The following SLC9A9 variants were observed in gnomAD, a reference collection of about 807,000 sequenced individuals.
SLC9A9 encodes solute carrier family 9 member A9, also known as sodium/hydrogen exchanger 9.
In SLC9A9, 62 loss-of-function variants were observed where a neutral mutation model predicts 77.8. That is an observed-to-expected ratio of 0.80 (90% CI 0.65 to 0.98). The LOEUF (loss-of-function observed/expected upper bound fraction) is 0.98. Among genes scored for constraint, SLC9A9 ranks in the 50% least tolerant of loss-of-function variants. The probability of loss-of-function intolerance (pLI) is 0.00; values close to 1 mark genes in which losing one functional copy is unlikely to be tolerated. For synonymous variants in SLC9A9, 320 were observed against 283.5 expected (o/e 1.13, Z -1.29); for missense variants, 775 against 774.9 (o/e 1.00, Z 0.00).
At chr3:143,500,879 T>C (rs1305622121) in intron 9 of SLC9A9, among the ~76,000 whole-genome samples, 1 of 150,378 alleles carries the variant, frequency 6.6e-6, no homozygotes, top group Non-Finnish European at 1.5e-5. Context: ...TAAAAATGTA[T>C]ACAATTTAGA....
At chr3:143,774,172 T>A (rs1369925558) in intron 4 of SLC9A9, among the ~76,000 whole-genome samples, 1 of 152,190 alleles carries the variant, frequency 6.6e-6, no homozygotes, top group African/African-American at 2.4e-5. Flanking sequence ...AGCATCCATA[T>A]AATTGAACAG....
chr3:143,578,686 C>T lies in SLC9A9; in HGVS notation c.793G>A (p.Ala265Thr), dbSNP rs372219827. Reference protein sequence around the residue: ...SIYSPKENPNAFDAAAFFQSV... With the variant: ...SIYSPKENPNTFDAAAFFQSV... The stretch of plus-strand genomic sequence containing the variant: ...TGGAAGAATGCTGCGGCATCAAATG[C>T]ATTTGGATTCTCCTTGGGACTGTAA... The change falls in exon 7 of 16, where the codon GCA (alanine) becomes ACA (threonine). Residue 265 changes from alanine to threonine, a missense_variant. Transcript: ENST00000316549. 1.1e-5 allele frequency: 17 copies of T among 1,613,918 alleles called. No individual in the cohort carries two copies. In the African/African-American group the frequency reaches 2.0e-4, roughly 19 times the overall value.
At chr3:143,622,645 C>T (rs908408104) in intron 6 of SLC9A9, among the ~76,000 whole-genome samples, 1 of 152,184 alleles carries the variant, frequency 6.6e-6, no homozygotes, top group African/African-American at 2.4e-5. Flanking sequence ...CAACTGCTAC[C>T]AGCCATTGCA....
chr3:143,814,584 T>C (rs557843004), intron 2 of SLC9A9, among the ~76,000 whole-genome samples: 2 of 152,296 alleles, frequency 1.3e-5, no homozygotes, highest in East Asian at 1.9e-4. Context: ...TGAGTGAAAT[T>C]GAAACTTCGG....
chr3:143,481,819 C>T (rs1284261580), intron 11 of SLC9A9, among the ~76,000 whole-genome samples: 1 of 152,142 alleles, frequency 6.6e-6, no homozygotes, highest in African/African-American at 2.4e-5. Context: ...GTGGGACGGT[C>T]CTGGTAGCTT....
intron 11 of SLC9A9, among the ~76,000 whole-genome samples, chr3:143,488,659 T>C (rs905089439): frequency 8.6e-5 from 13 of 151,874 alleles, no homozygotes; most frequent in Non-Finnish European, 1.9e-4. Context: ...CATGATCACC[T>C]CAATTGATGC....
chr3:143,477,917 G>C (rs546638545), intron 11 of SLC9A9, among the ~76,000 whole-genome samples: 9 of 152,190 alleles, frequency 5.9e-5, no homozygotes, highest in Non-Finnish European at 1.2e-4. Context: ...CCTAGGCAAA[G>C]GGTCAATCCC....
At chr3:143,530,273 G>T (rs56704736) in intron 9 of SLC9A9, among the ~76,000 whole-genome samples, 1,578 of 152,202 alleles carry the variant, frequency 0.01, 44 homozygotes, top group African/African-American at 0.036. Context: ...CACATATTGT[G>T]GGGGGGACCC....
chr3:143,816,513 C>A (rs1251844751), intron 2 of SLC9A9, among the ~76,000 whole-genome samples: 2 of 152,204 alleles, frequency 1.3e-5, no homozygotes. Context: ...TACAAGTGAT[C>A]TCATCCATTC....
At chr3:143,395,056 T>A (rs2033691992) in intron 12 of SLC9A9, among the ~76,000 whole-genome samples, 1 of 152,182 alleles carries the variant, frequency 6.6e-6, no homozygotes, top group Non-Finnish European at 1.5e-5. Flanking sequence ...GCCATCCCCA[T>A]CAAGCTACCA....
chr3:143,436,726 C>G (rs889819318), intron 12 of SLC9A9, among the ~76,000 whole-genome samples: 2 of 152,204 alleles, frequency 1.3e-5, no homozygotes, highest in Non-Finnish European at 2.9e-5. Context: ...ATCTAGAGGT[C>G]AGCTGGTGTG....
chr3:143,542,861 A>G lies in SLC9A9; in HGVS notation c.1089+9501T>C, dbSNP rs552187984. On this transcript the variant is annotated intron_variant, in intron 9 of 15. Transcript: ENST00000316549. The stretch of plus-strand genomic sequence containing the variant: ...CAGTAAATTTCCATAAACTTTTCAT[A>G]TAGACCACAATATCCTAAGAGGTTA... Among the ~76,000 whole-genome samples, 4 of 152,344 alleles carry G rather than the reference A, an allele frequency of 2.6e-5. 1 individual carries two copies. Among genetic ancestry groups the G allele is most frequent in the African/African-American group, 9.6e-5 (4 of 41,582 alleles).
chr3:143,389,056 A>G (rs2033493492), intron 12 of SLC9A9, among the ~76,000 whole-genome samples: 1 of 152,222 alleles, frequency 6.6e-6, no homozygotes, highest in Non-Finnish European at 1.5e-5. Context: ...AGGGTCATGA[A>G]CACAGAGGTG....
chr3:143,544,115 T>A (rs2036742243), intron 9 of SLC9A9, among the ~76,000 whole-genome samples: 1 of 152,274 alleles, frequency 6.6e-6, no homozygotes, highest in Non-Finnish European at 1.5e-5. Context: ...ACTTCTCTGA[T>A]AATTAGTGAT....
chr3:143,697,354 C>T (rs544593371), intron 4 of SLC9A9, among the ~76,000 whole-genome samples: 2 of 152,126 alleles, frequency 1.3e-5, no homozygotes, highest in East Asian at 3.9e-4. Flanking sequence ...TTCGATGACT[C>T]CTCCTTTTTG....
chr3:143,834,339 T>A (rs1420211541), intron 1 of SLC9A9, among the ~76,000 whole-genome samples: 4 of 151,606 alleles, frequency 2.6e-5, no homozygotes, highest in African/African-American at 9.7e-5. Flanking sequence ...GGAACATAGA[T>A]CATCTACACT....
chr3:143,503,392 A>C, intron 9 of SLC9A9: 1 of 311,846 alleles, frequency 3.2e-6, no homozygotes, highest in Non-Finnish European at 6.3e-6. Context: ...TCCCAGCATC[A>C]AAAGTGGAAG....
At chr3:143,761,080 AGG>A (rs1270150501) in intron 4 of SLC9A9, among the ~76,000 whole-genome samples, 1 of 152,206 alleles carries the variant, frequency 6.6e-6, no homozygotes, top group African/African-American at 2.4e-5. Context: ...TGACAAAAAC[AGG>A]AAATGGGGAA....
chr3:143,625,004 C>G (rs1279689655), intron 6 of SLC9A9, among the ~76,000 whole-genome samples: 1 of 152,144 alleles, frequency 6.6e-6, no homozygotes, highest in Non-Finnish European at 1.5e-5. Flanking sequence ...TGAGTGAACT[C>G]CCATTCACAA....
Sources: allele counts gnomAD v4.1 joint callset (sites outside exome capture counted in the v4.1 genomes callset), GRCh38; gene constraint gnomAD v4.1.1; transcripts MANE v1.5; gene names NCBI Gene and HGNC (gene_info 2026-07-23, HGNC 2026-07-21).